TCF4: variants seen among roughly 807,000 people sequenced by gnomAD.
TCF4 encodes the protein SL3-3 enhancer factor 2.
TCF4 carries 3 observed loss-of-function variants against 82.1 expected under a neutral mutation model. That is an observed-to-expected ratio of 0.04 (90% confidence interval 0.02 to 0.09). The LOEUF (loss-of-function observed/expected upper bound fraction) is 0.09, where lower values mean the gene tolerates loss of function less well. Among genes scored for constraint, TCF4 ranks in the 10% least tolerant of loss-of-function variants. The pLI, the probability that TCF4 is intolerant of heterozygous loss-of-function variation, is 1.00. For missense variants in TCF4, 518 were observed against 852.7 expected (o/e 0.61, Z 4.89); for synonymous variants, 276 against 309.6 (o/e 0.89, Z 1.14).
chr18:55,223,246 C>T lies in TCF4; in HGVS notation c.*4789G>A, dbSNP rs935844555. 2 of 152,148 alleles carry T rather than the reference C, an allele frequency of 1.3e-5. No individual in the cohort carries two copies. The highest frequency in any genetic ancestry group is 2.9e-5 in the Non-Finnish European group (2 of 68,038). 9.4% of individuals were successfully genotyped at this position (152,148 alleles called of 1,614,324 possible). On this transcript the variant is annotated 3_prime_UTR_variant, in exon 20 of 20. Transcript: ENST00000354452. ...CTTTTTGTTTTGCATGCATCCCGTTCCATTTTCATTAAGGGCATCTCTTCC... is the reference window on the plus strand; with the variant it reads ...CTTTTTGTTTTGCATGCATCCCGTTTCATTTTCATTAAGGGCATCTCTTCC...
At chr18:55,598,654 AG>A (rs1350766266) in intron 2 of TCF4, among the ~76,000 whole-genome samples, 1 of 152,254 alleles carries the variant, frequency 6.6e-6, no homozygotes, top group Non-Finnish European at 1.5e-5. Flanking sequence ...ATTCTGAAAT[AG>A]GGCTGTGGCT....
At chr18:55,414,696 G>A (rs1174614795) in intron 5 of TCF4, among the ~76,000 whole-genome samples, 2 of 152,148 alleles carry the variant, frequency 1.3e-5, no homozygotes, top group Non-Finnish European at 2.9e-5. Flanking sequence ...TAGAGAGGCT[G>A]ACACTCTTCC....
intron 6 of TCF4, among the ~76,000 whole-genome samples, chr18:55,402,861 A>T (rs2093904398): frequency 6.6e-6 from 1 of 152,240 alleles, no homozygotes; most frequent in African/African-American, 2.4e-5. Context: ...TTATTTAATT[A>T]AAGTACTCTT....
At chr18:55,484,192 T>G (rs1256776067) in intron 3 of TCF4, among the ~76,000 whole-genome samples, 1 of 152,204 alleles carries the variant, frequency 6.6e-6, no homozygotes, top group Non-Finnish European at 1.5e-5. Flanking sequence ...TAGAAAAAGT[T>G]ATATTTCCTC....
intron 5 of TCF4, among the ~76,000 whole-genome samples, chr18:55,454,704 GAAC>G (rs1162085344): frequency 6.6e-6 from 1 of 152,048 alleles, no homozygotes; most frequent in Non-Finnish European, 1.5e-5. Context: ...GGATTAGAAA[GAAC>G]AATAAAACAT....
intron 2 of TCF4, among the ~76,000 whole-genome samples, chr18:55,617,777 T>G (rs2097713585): frequency 6.6e-6 from 1 of 151,720 alleles, no homozygotes; most frequent in Non-Finnish European, 1.5e-5. Context: ...GCTGCTTTTG[T>G]ATCCTGAAAC....
chr18:55,300,081 T>C (rs2067681443), intron 8 of TCF4, among the ~76,000 whole-genome samples: 1 of 149,088 alleles, frequency 6.7e-6, no homozygotes, highest in Non-Finnish European at 1.5e-5. Context: ...TTAAATGAAA[T>C]ACACACACAT....
chr18:55,617,263 T>C (rs604599), intron 2 of TCF4, among the ~76,000 whole-genome samples: 152,008 of 152,246 alleles, frequency 1, 75,886 homozygotes, highest in Middle Eastern at 1. Flanking sequence ...TGCATACCTT[T>C]ATTTCCAGGT....
chr18:55,531,761 C>T (rs1375345213), intron 3 of TCF4, among the ~76,000 whole-genome samples: 3 of 152,142 alleles, frequency 2.0e-5, no homozygotes, highest in African/African-American at 7.2e-5. Context: ...GGGTATGTTC[C>T]ACTTTCCAAG....
At chr18:55,396,092 A>ATG (rs1569353054) in intron 6 of TCF4, among the ~76,000 whole-genome samples, 2 of 152,128 alleles carry the variant, frequency 1.3e-5, no homozygotes, top group Non-Finnish European at 2.9e-5. Flanking sequence ...GTGGGCCTGG[A>ATG]ATCGACCAGA....
chr18:55,369,135 T>C (rs2088155733), intron 6 of TCF4, among the ~76,000 whole-genome samples: 1 of 152,226 alleles, frequency 6.6e-6, no homozygotes. Flanking sequence ...GCGCATCTTA[T>C]AATACTCTAT....
intron 5 of TCF4, among the ~76,000 whole-genome samples, chr18:55,454,029 A>AT (rs1428752411): frequency 1.3e-5 from 2 of 151,688 alleles, no homozygotes; most frequent in Non-Finnish European, 2.9e-5. Flanking sequence ...CACCCAGCTA[A>AT]TTTTTTTATT....
chr18:55,374,871 TAAAAAAAAAAAAAA>T (rs5825137), intron 6 of TCF4, among the ~76,000 whole-genome samples: 1 of 67,146 alleles, frequency 1.5e-5, no homozygotes, highest in African/African-American at 5.7e-5. Context: ...AGGCCCTGTC[TAAAAAAAAAAAAAA>T]AAAAAAAAAA....
chr18:55,471,881 A>G (rs571891725), intron 3 of TCF4, among the ~76,000 whole-genome samples: 2 of 152,308 alleles, frequency 1.3e-5, no homozygotes, highest in African/African-American at 4.8e-5. Context: ...CTAACCAAAT[A>G]AATCTGAAAC....
At chr18:55,529,087 A>T (rs1419382162) in intron 3 of TCF4, among the ~76,000 whole-genome samples, 1 of 152,230 alleles carries the variant, frequency 6.6e-6, no homozygotes, top group Non-Finnish European at 1.5e-5. Context: ...TCGAAGCAGG[A>T]GAATTACTAG....
chr18:55,530,214 A>G (rs896579832), intron 3 of TCF4, among the ~76,000 whole-genome samples: 8 of 152,230 alleles, frequency 5.3e-5, no homozygotes, highest in African/African-American at 1.7e-4. Context: ...AATGGGGACT[A>G]AAACAGGTGA....
intron 3 of TCF4, among the ~76,000 whole-genome samples, chr18:55,539,670 G>A (rs909076589): frequency 6.6e-6 from 1 of 152,014 alleles, no homozygotes; most frequent in Non-Finnish European, 1.5e-5. Flanking sequence ...GTGCCCCCAA[G>A]ATCTTGACAA....
intron 8 of TCF4, among the ~76,000 whole-genome samples, chr18:55,310,759 C>T (rs552515146): frequency 3.3e-5 from 5 of 152,092 alleles, no homozygotes; most frequent in East Asian, 1.9e-4. Flanking sequence ...AAACAATGTC[C>T]GTAATGCCAA....
At chr18:55,277,517 A>G (rs916006389) in intron 9 of TCF4, among the ~76,000 whole-genome samples, 1 of 152,078 alleles carries the variant, frequency 6.6e-6, no homozygotes, top group Admixed American at 6.6e-5. Context: ...ATCACATCCC[A>G]TGATCTTGGC....
Sources: gnomAD v4.1 joint callset for allele counts (sites outside exome capture counted in the v4.1 genomes callset) on GRCh38, gnomAD v4.1.1 for gene constraint, MANE v1.5 for transcripts, NCBI Gene and HGNC (gene_info 2026-07-23, HGNC 2026-07-21) for gene names.